IL12RB1: variants seen among roughly 807,000 people sequenced by gnomAD.
IL12RB1 encodes the protein interleukin 12 receptor subunit beta 1.
IL12RB1 carries 64 observed loss-of-function variants against 94.4 expected under a neutral mutation model. The ratio of observed to expected loss-of-function variants is 0.68; its 90% CI spans 0.55 to 0.83. The LOEUF (loss-of-function observed/expected upper bound fraction) is 0.83, where lower values mean the gene tolerates loss of function less well. Among genes scored for constraint, IL12RB1 ranks in the 40% least tolerant of loss-of-function variants. IL12RB1 has a pLI of 0.00. For synonymous variants in IL12RB1, 362 were observed against 355.5 expected, an observed-to-expected ratio of 1.02 and a Z score of -0.21; for missense variants, 814 against 855.6, an observed-to-expected ratio of 0.95 and a Z score of 0.61.
intron 11 of IL12RB1, 89 bp from the exon 12 acceptor site, chr19:18,066,786 G>A (rs1318371864): frequency 1.9e-6 from 2 of 1,028,544 alleles, no homozygotes; most frequent in African/African-American, 1.6e-5. Context: ...CAGCACTTTG[G>A]GAGGCCGAGG....
At chr19:18,074,263 C>T (rs1405895589) in intron 7 of IL12RB1, among the ~76,000 whole-genome samples, 2 of 152,162 alleles carry the variant, frequency 1.3e-5, no homozygotes, top group African/African-American at 2.4e-5. Context: ...CCTCTGGCCT[C>T]GGCCTCCCAA....
upstream of IL12RB1, among the ~76,000 whole-genome samples, chr19:18,087,210 A>ATTT (rs10640856): frequency 0.046 from 6,212 of 135,458 alleles, 511 homozygotes; most frequent in African/African-American, 0.16. Context: ...TCTCTAGCCA[A>ATTT]TTTTTTTTTT....
In IL12RB1 at chr19:18,072,261, C is replaced by A; in HGVS notation, c.872G>T (p.Cys291Phe). The change falls in exon 9 of 17, where the codon TGC becomes TTC. Residue 291 changes from cysteine to phenylalanine, a missense_variant. Cys to Phe is a radical substitution (Grantham distance 205). Coordinates refer to ENST00000593993, the MANE Select transcript of IL12RB1 (RefSeq NM_005535.3). Reference protein sequence around the residue: ...TYRLQLHMLSCPCKAKATRTL... With the variant: ...TYRLQLHMLSFPCKAKATRTL... ...CCTGGTGGCCTTGGCCTTACACGGG[C>A]AGGACAGCATGTGGAGCTGTAGTCG... The A allele has an allele frequency of 6.2e-7, 1 of 1,614,024 alleles. No homozygotes were observed. Among genetic ancestry groups the A allele is most frequent in the Non-Finnish European group, 8.5e-7 (1 of 1,179,936 alleles).
chr19:18,077,727 C>A (rs2035592032), intron 4 of IL12RB1, 72 bp from the exon 5 acceptor site: 2 of 940,722 alleles, frequency 2.1e-6, no homozygotes, highest in Non-Finnish European at 3.5e-6. Context: ...GAAAATCCAC[C>A]CTGTCCAGGG....
Position 18,062,229 on chromosome 19 carries a change from A to G in IL12RB1, c.1667T>C (p.Phe556Ser). The change falls in exon 14 of 17, where the codon TTC becomes TCC. Residue 556 changes from phenylalanine to serine, a missense_variant. Coordinates refer to ENST00000593993, the MANE Select transcript of IL12RB1 (RefSeq NM_005535.3). ...WLIFFASLGSFLSILLVGVLG... is the reference protein window; with the variant it reads ...WLIFFASLGSSLSILLVGVLG... Reference sequence around the variant, plus strand: ...GACGCCCACGAGAAGGATGCTCAGGAAGCTCCCCAGGGAGGCGAAGAAGAT... The same window carrying G: ...GACGCCCACGAGAAGGATGCTCAGGGAGCTCCCCAGGGAGGCGAAGAAGAT... 3 of 1,613,494 alleles carry G rather than the reference A, an allele frequency of 1.9e-6. No homozygotes were observed. The highest frequency in any genetic ancestry group is 2.5e-6 in the Non-Finnish European group (3 of 1,179,652).
chr19:18,083,455 G>A lies in IL12RB1; in HGVS notation c.101C>T (p.Pro34Leu), dbSNP rs113524129. 9.9e-5 allele frequency: 160 copies of A among 1,614,014 alleles called. No homozygotes were observed. Among genetic ancestry groups the A allele is most frequent in the South Asian group, 1.4e-4 (13 of 91,086 alleles). Residue 34 changes from proline (P) to leucine (L), a missense_variant, in exon 2 of 17, where the codon CCG becomes CTG. Transcript: ENST00000593993. ...ACCTGAGTCTGCATCCGGATATGGC[G>A]GGTCCTGAAAACAGCACTCACTGGT... ...CRTSECCFQD[P>L]PYPDADSGSA...
chr19:18,093,026 C>G (rs79385521), intron 1 of IL12RB1, among the ~76,000 whole-genome samples: 3,632 of 151,856 alleles, frequency 0.024, 62 homozygotes, highest in Non-Finnish European at 0.031. Flanking sequence ...GATGTTAGGC[C>G]GGGCACAGTG....
intron 10 of IL12RB1, 94 bp downstream of exon 10, chr19:18,069,452 C>A: frequency 8.2e-7 from 1 of 1,217,772 alleles, no homozygotes; most frequent in Non-Finnish European, 1.1e-6. Context: ...GCCTTAGACA[C>A]CCGCTGTGTG....
chr19:18,089,216 T>G (rs575058980), upstream of IL12RB1, among the ~76,000 whole-genome samples: 52 of 152,194 alleles, frequency 3.4e-4, no homozygotes, highest in Admixed American at 5.2e-4. Context: ...GAGAAGTGAC[T>G]GCTGATGTAT....
chr19:18,072,056 G>T (rs2035095441), intron 9 of IL12RB1, 56 bp downstream of exon 9: 1 of 1,170,632 alleles, frequency 8.5e-7, no homozygotes, highest in Non-Finnish European at 1.3e-6. Context: ...GAGGCTCAGA[G>T]TAGGTGCTCA....
intron 6 of IL12RB1, among the ~76,000 whole-genome samples, 190 bp from the exon 7 acceptor site, chr19:18,076,058 C>T (rs2035453616): frequency 6.6e-6 from 1 of 152,154 alleles, no homozygotes; most frequent in Non-Finnish European, 1.5e-5. Flanking sequence ...CATCCCTGCC[C>T]CTCAGTTCAA....
rs2035235800 is a variant in IL12RB1, at chr19:18,073,585, G to A, written c.715C>T (p.Pro239Ser). 2.5e-6 allele frequency: 4 copies of A among 1,610,994 alleles called. No individual in the cohort carries two copies. The highest frequency in any genetic ancestry group is 3.4e-6 in the Non-Finnish European group (4 of 1,177,410). Reference sequence around the variant, plus strand: ...TGCTCCACCGAGAATCTCACCTGAGGCTGTGGGGGGTTTTCTGCAATCAGA... The same window carrying A: ...TGCTCCACCGAGAATCTCACCTGAGACTGTGGGGGGTTTTCTGCAATCAGA... Reference protein sequence around the residue: ...VCVPPENPPQPQVRFSVEQLG... With the variant: ...VCVPPENPPQSQVRFSVEQLG... The change falls in exon 8 of 17, where the codon CCT becomes TCT. Residue 239 changes from proline (P) to serine (S), a missense_variant. Transcript: ENST00000593993.
chr19:18,064,017 T>A lies in IL12RB1; in HGVS notation c.1484-7A>T. ...GTGGGCTGCACGGGATGCTCTGCAG[T>A]GGGAGAGGCAACCCTGAGTCCTGGG... On this transcript the variant is annotated splice_region_variant and splice_polypyrimidine_tract_variant and intron_variant, in intron 12 of 16. Coordinates refer to ENST00000593993, the MANE Select transcript of IL12RB1 (RefSeq NM_005535.3). 6.2e-7 allele frequency: 1 copy of A among 1,608,996 alleles called. No homozygotes were observed. Among genetic ancestry groups the A allele is most frequent in the Non-Finnish European group, 8.5e-7 (1 of 1,176,214 alleles).
chr19:18,083,125 T>TG, intron 2 of IL12RB1: 1 of 517,800 alleles, frequency 1.9e-6, no homozygotes. Context: ...ATTTATCAGG[T>TG]TGGGGGGGGG....
chr19:18,081,856 ATG>A (rs2035928500), intron 3 of IL12RB1, among the ~76,000 whole-genome samples: 1 of 94,080 alleles, frequency 1.1e-5, no homozygotes, highest in African/African-American at 2.7e-5. Flanking sequence ...AAATGGATGG[ATG>A]GATGGATGGA....
At chr19:18,065,601 C>T (rs1244404305) in intron 12 of IL12RB1, among the ~76,000 whole-genome samples, 1 of 152,090 alleles carries the variant, frequency 6.6e-6, no homozygotes, top group Non-Finnish European at 1.5e-5. Context: ...GGTGATTCAC[C>T]TGAGGTCAAG....
chr19:18,097,756 G>T, intron 1 of IL12RB1: 1 of 1,197,448 alleles, frequency 8.4e-7, no homozygotes, highest in Non-Finnish European at 1.0e-6. Context: ...GCCGGGGCGG[G>T]GCCGGGGGCG....
chr19:18,087,303 G>A (rs555146617), upstream of IL12RB1, among the ~76,000 whole-genome samples: 316 of 150,920 alleles, frequency 2.1e-3, 1 homozygote, highest in Non-Finnish European at 3.3e-3. Context: ...TCTGCCTCCC[G>A]GGTTCAAGCA....
At chr19:18,071,233 A>G in intron 9 of IL12RB1, 1 of 419,170 alleles carries the variant, frequency 2.4e-6, no homozygotes, top group South Asian at 1.8e-5. Flanking sequence ...TTAGCCGGGT[A>G]TGGTGGCAGA....
Sources: allele counts gnomAD v4.1 joint callset (sites outside exome capture counted in the v4.1 genomes callset), GRCh38; gene constraint gnomAD v4.1.1; transcripts MANE v1.5; gene names NCBI Gene and HGNC (gene_info 2026-07-23, HGNC 2026-07-21).